Variants in MME observed in about 807,000 individuals in gnomAD.
MME encodes the protein neprilysin.
A neutral mutation model predicts 113.2 loss-of-function variants in MME; 98 were observed. That is an observed-to-expected ratio of 0.87 (90% CI 0.74 to 1.02). MME has a LOEUF of 1.02. Ranked by LOEUF, MME falls within the 50% of genes least tolerant of loss-of-function variation. The probability of loss-of-function intolerance (pLI) is 0.00; values close to 1 mark genes in which losing one functional copy is unlikely to be tolerated. For synonymous variants in MME, 292 were observed against 300.6 expected, an observed-to-expected ratio of 0.97 and a Z score of 0.30; for missense variants, 836 against 896.0, an observed-to-expected ratio of 0.93 and a Z score of 0.86.
chr3:155,176,077 A>G (rs571555328), intron 22 of MME, among the ~76,000 whole-genome samples: 1 of 152,320 alleles, frequency 6.6e-6, no homozygotes, highest in African/African-American at 2.4e-5. Flanking sequence ...TGAAGATTGG[A>G]TACCTTATTC....
At position 155,084,665 on chromosome 3, in the gene MME, A is replaced by C. The variant is rs73874500; in HGVS notation, c.160+338A>C. Among the ~76,000 whole-genome samples, 392 of 152,278 alleles carry C rather than the reference A, an allele frequency of 2.6e-3. 1 individual carries two copies. Among genetic ancestry groups the C allele is most frequent in the African/African-American group, 9.0e-3 (375 of 41,548 alleles). On this transcript the variant is annotated intron_variant, in intron 2 of 22. Coordinates refer to ENST00000360490, the MANE Select transcript of MME (RefSeq NM_007289.4). ...AGTCAACTTTTGTTGTGTCATTGAA[A>C]TTCTAAACGGCTTCACAGGAATTTA...
chr3:155,069,515 G>A (rs1024133101), intron 1 of MME, among the ~76,000 whole-genome samples: 15 of 152,296 alleles, frequency 9.8e-5, no homozygotes, highest in Admixed American at 2.0e-4. Flanking sequence ...GAAAATCCCA[G>A]TAATTGAAGA....
intron 22 of MME, among the ~76,000 whole-genome samples, chr3:155,179,438 A>G (rs1445253159): frequency 6.6e-6 from 1 of 152,120 alleles, no homozygotes; most frequent in African/African-American, 2.4e-5. Flanking sequence ...TGGTTGGAGG[A>G]GAGAGAAGTC....
rs557214903 is a variant in MME at position 155,133,335 on chromosome 3, GTATATTCCATGTAGC to G, written c.721-4760_721-4746del. On this transcript the variant is annotated intron_variant, in intron 8 of 22. Coordinates refer to ENST00000360490, the MANE Select transcript of MME (RefSeq NM_007289.4). ...GTAATGGAATTCATTAAAAGAAGTG[GTATATTCCATGTAGC>G]TATATTAAATACTCGAGCATCCCAG... 1.2e-3 allele frequency among the ~76,000 whole-genome samples: 186 copies of G among 151,384 alleles called. 1 individual carries two copies. The highest frequency in any genetic ancestry group is 4.4e-3 in the African/African-American group (181 of 41,326).
chr3:155,119,421 T>A (rs1022143676), intron 8 of MME, among the ~76,000 whole-genome samples: 5 of 151,690 alleles, frequency 3.3e-5, no homozygotes, highest in African/African-American at 4.8e-5. Context: ...TTTTTTTTTT[T>A]TTTTTTTTAT....
At chr3:155,102,029 G>A (rs928540318) in intron 3 of MME, among the ~76,000 whole-genome samples, 3 of 152,054 alleles carry the variant, frequency 2.0e-5, no homozygotes, top group Non-Finnish European at 4.4e-5. Context: ...TTGGTCTTTT[G>A]TTTTGTTTAT....
intron 16 of MME, among the ~76,000 whole-genome samples, chr3:155,149,421 G>C (rs1273632788): frequency 6.6e-6 from 1 of 152,058 alleles, no homozygotes; most frequent in South Asian, 2.1e-4. Context: ...ATGAGTGAGT[G>C]AGCAAGTGAA....
At chr3:155,116,074 C>T (rs1718573273) in intron 4 of MME, among the ~76,000 whole-genome samples, 1 of 151,920 alleles carries the variant, frequency 6.6e-6, no homozygotes, top group African/African-American at 2.4e-5. Context: ...TAATTATTTT[C>T]CAGCCATCAA....
intron 3 of MME, among the ~76,000 whole-genome samples, chr3:155,101,936 C>CTGAT (rs1717266965): frequency 6.6e-6 from 1 of 152,188 alleles, no homozygotes; most frequent in Non-Finnish European, 1.5e-5. Flanking sequence ...AGCACCTTCA[C>CTGAT]TGATTTTGTA....
chr3:155,162,082 T>A (rs1245091699), intron 17 of MME, among the ~76,000 whole-genome samples: 1 of 152,194 alleles, frequency 6.6e-6, no homozygotes. Flanking sequence ...GACTCCTTAG[T>A]GCTGCATTAG....
chr3:155,061,248 A>C (rs570939751), intron 1 of MME, among the ~76,000 whole-genome samples: 314 of 152,130 alleles, frequency 2.1e-3, no homozygotes, highest in South Asian at 6.0e-3. Flanking sequence ...GTCTGGAGAT[A>C]GAGACCATCC....
At chr3:155,088,794 A>G (rs1433705801) in intron 3 of MME, among the ~76,000 whole-genome samples, 1 of 152,186 alleles carries the variant, frequency 6.6e-6, no homozygotes, top group Non-Finnish European at 1.5e-5. Flanking sequence ...GGTGGGTTCA[A>G]ACCTGAGCTC....
intron 16 of MME, among the ~76,000 whole-genome samples, chr3:155,155,042 A>G (rs950207555): frequency 1.3e-5 from 2 of 152,208 alleles, no homozygotes; most frequent in East Asian, 1.9e-4. Context: ...TTATGCTTCC[A>G]TTAAGCCAAC....
intron 8 of MME, among the ~76,000 whole-genome samples, chr3:155,121,970 T>G (rs1228187292): frequency 9.1e-6 from 1 of 109,628 alleles, no homozygotes; most frequent in African/African-American, 3.5e-5. Flanking sequence ...TTCTATTGAT[T>G]GGAATAGTTT....
At chr3:155,164,424 C>CTAGG (rs1722943896) in intron 17 of MME, among the ~76,000 whole-genome samples, 1 of 152,106 alleles carries the variant, frequency 6.6e-6, no homozygotes, top group African/African-American at 2.4e-5. Flanking sequence ...GTGATGCCTA[C>CTAGG]TAGGTAACAG....
intron 1 of MME, among the ~76,000 whole-genome samples, chr3:155,049,374 C>T (rs551825191): frequency 1.3e-5 from 2 of 152,174 alleles, no homozygotes; most frequent in Admixed American, 6.5e-5. Context: ...TGGAGTGATA[C>T]ATCCACGAGC....
intron 8 of MME, among the ~76,000 whole-genome samples, chr3:155,130,865 A>C (rs183465220): frequency 2.0e-5 from 3 of 152,080 alleles, no homozygotes; most frequent in African/African-American, 7.2e-5. Context: ...ATTTTTTTTT[A>C]ATTCAACAGA....
intron 1 of MME, among the ~76,000 whole-genome samples, chr3:155,025,093 G>A (rs1048681066): frequency 2.0e-5 from 3 of 152,200 alleles, no homozygotes; most frequent in African/African-American, 7.2e-5. Context: ...GGCAGATAAT[G>A]AGGGATGCAT....
chr3:155,058,232 G>C (rs1241800893), intron 1 of MME, among the ~76,000 whole-genome samples: 1 of 152,090 alleles, frequency 6.6e-6, no homozygotes, highest in Non-Finnish European at 1.5e-5. Context: ...TTAAATAGTA[G>C]AATTCGATCA....
Sources: gnomAD v4.1 joint callset for allele counts (sites outside exome capture counted in the v4.1 genomes callset) on GRCh38, gnomAD v4.1.1 for gene constraint, MANE v1.5 for transcripts, NCBI Gene and HGNC (gene_info 2026-07-23, HGNC 2026-07-21) for gene names.